Variants in GRM8 observed in about 807,000 individuals in gnomAD.
GRM8 encodes the protein metabotropic glutamate receptor 8.
A neutral mutation model predicts 87.2 loss-of-function variants in GRM8; 47 were observed. The observed-to-expected ratio is 0.54, with a 90% CI of 0.43 to 0.69. The LOEUF is 0.69. Among genes scored for constraint, GRM8 ranks in the 30% least tolerant of loss-of-function variants. The pLI is 0.00. For synonymous variants in GRM8, 396 were observed against 404.5 expected (o/e 0.98, Z 0.25); for missense variants, 1,019 against 1,139.2 (o/e 0.89, Z 1.52).
intron 8 of GRM8, among the ~76,000 whole-genome samples, chr7:126,578,332 T>C (rs1795293756): frequency 6.6e-6 from 1 of 152,178 alleles, no homozygotes; most frequent in Admixed American, 6.6e-5. Context: ...CATTTCCACT[T>C]AGCATCCTAA....
At chr7:127,184,042 A>C (rs1282065128) in intron 2 of GRM8, among the ~76,000 whole-genome samples, 1 of 151,880 alleles carries the variant, frequency 6.6e-6, no homozygotes, top group Non-Finnish European at 1.5e-5. Flanking sequence ...TCAAAACAAA[A>C]GCACCAGGCT....
At chr7:126,950,366 T>G (rs527742125) in intron 3 of GRM8, among the ~76,000 whole-genome samples, 1 of 152,340 alleles carries the variant, frequency 6.6e-6, no homozygotes, top group South Asian at 2.1e-4. Flanking sequence ...TATACATCTG[T>G]TGTCAAAAGA....
At chr7:126,874,615 A>G (rs1203455567) in intron 6 of GRM8, among the ~76,000 whole-genome samples, 4 of 152,154 alleles carry the variant, frequency 2.6e-5, no homozygotes, top group East Asian at 1.9e-4. Flanking sequence ...CCATATTACA[A>G]TTGAGGAAAG....
At chr7:126,831,645 G>C (rs915601912) in intron 6 of GRM8, among the ~76,000 whole-genome samples, 4 of 152,150 alleles carry the variant, frequency 2.6e-5, no homozygotes, top group African/African-American at 7.2e-5. Context: ...CTGACTCCTT[G>C]TGCTTCCTGA....
chr7:127,128,161 T>A (rs1012073690), intron 2 of GRM8, among the ~76,000 whole-genome samples: 1 of 152,130 alleles, frequency 6.6e-6, no homozygotes, highest in African/African-American at 2.4e-5. Context: ...CCAATGATGC[T>A]CAAAGTTGGT....
At chr7:127,056,618 AT>A (rs1332728853) in intron 3 of GRM8, among the ~76,000 whole-genome samples, 1 of 152,238 alleles carries the variant, frequency 6.6e-6, no homozygotes, top group Non-Finnish European at 1.5e-5. Context: ...CACCGGCAAA[AT>A]CTAAAAATAG....
intron 9 of GRM8, among the ~76,000 whole-genome samples, chr7:126,492,546 T>C (rs1286081063): frequency 6.6e-6 from 1 of 152,046 alleles, no homozygotes; most frequent in Non-Finnish European, 1.5e-5. Context: ...CATCTCAGGT[T>C]TTCTGTCTCT....
intron 7 of GRM8, among the ~76,000 whole-genome samples, chr7:126,734,471 T>C (rs759405494): frequency 5.6e-4 from 85 of 151,390 alleles, no homozygotes; most frequent in Non-Finnish European, 1.0e-3. Flanking sequence ...AAATATAATA[T>C]TGTATAGTAA....
chr7:126,883,107 T>C (rs922242672), intron 6 of GRM8, among the ~76,000 whole-genome samples: 1 of 152,206 alleles, frequency 6.6e-6, no homozygotes, highest in Non-Finnish European at 1.5e-5. Context: ...GGGTCATTTC[T>C]GATTGGCCTC....
At chr7:126,589,841 T>C (rs980151882) in intron 8 of GRM8, among the ~76,000 whole-genome samples, 3 of 152,128 alleles carry the variant, frequency 2.0e-5, no homozygotes, top group African/African-American at 7.2e-5. Flanking sequence ...AAGTACTACA[T>C]CAAGGGAGCA....
rs772847872 is a variant in GRM8, at chr7:127,058,044, T to C, written c.727+48452A>G. 1.3e-5 allele frequency: 5 copies of C among 380,990 alleles called. No individual in the cohort carries two copies. In the East Asian group the frequency reaches 3.8e-4, roughly 29 times the overall value. The allele number at this position is 380,990 out of a possible 1,614,324, so 23.6% of individuals were successfully genotyped here. A position where few individuals can be genotyped will look rare whatever the true frequency, so the allele number is the denominator to read the frequency against. On this transcript the variant is annotated intron_variant, in intron 3 of 10. Coordinates refer to ENST00000339582, the MANE Select transcript of GRM8 (RefSeq NM_000845.3). Reference sequence around the variant, plus strand: ...TTTTAGTTAAATAATTGTAGATTTGTTGCTCAGTTTAAAAACCCTTCTGGA... The same window carrying C: ...TTTTAGTTAAATAATTGTAGATTTGCTGCTCAGTTTAAAAACCCTTCTGGA...
At chr7:126,940,517 G>A (rs1362270505) in intron 3 of GRM8, among the ~76,000 whole-genome samples, 1 of 152,130 alleles carries the variant, frequency 6.6e-6, no homozygotes, top group East Asian at 1.9e-4. Context: ...GGCCTCAGAG[G>A]AGTATGTAGG....
intron 3 of GRM8, among the ~76,000 whole-genome samples, chr7:126,968,060 T>C (rs17865202): frequency 4.6e-4 from 70 of 152,368 alleles, no homozygotes; most frequent in African/African-American, 1.6e-3. Flanking sequence ...ATGCATTTTA[T>C]GATTTCAGCT....
intron 7 of GRM8, among the ~76,000 whole-genome samples, chr7:126,762,981 T>C (rs752443648): frequency 2.6e-5 from 4 of 151,968 alleles, no homozygotes; most frequent in African/African-American, 4.8e-5. Context: ...TAAGTGAGAC[T>C]TAACATTTTT....
intron 3 of GRM8, among the ~76,000 whole-genome samples, chr7:126,993,001 T>A (rs1480540297): frequency 6.6e-6 from 1 of 152,164 alleles, no homozygotes; most frequent in African/African-American, 2.4e-5. Context: ...TTCTATTATT[T>A]CAGCTACCCA....
In GRM8 at chr7:126,616,989, C is replaced by G. The variant is rs572105413; in HGVS notation, c.1358-7491G>C. On this transcript the variant is annotated intron_variant, in intron 7 of 10. Coordinates refer to ENST00000339582, the MANE Select transcript of GRM8 (RefSeq NM_000845.3). ...CCATTCCTTCTGAAAATATTCCAAT[C>G]AATAGAAAAAGAGGGAATCCTCCCT... is the stretch of plus-strand genomic sequence containing the variant. Among the ~76,000 whole-genome samples, 10 of 152,248 alleles carry G rather than the reference C, an allele frequency of 6.6e-5. No homozygotes were observed. In the East Asian group the frequency reaches 1.2e-3, roughly 18 times the overall value.
At chr7:127,146,467 C>A (rs1374211201) in intron 2 of GRM8, among the ~76,000 whole-genome samples, 3 of 151,954 alleles carry the variant, frequency 2.0e-5, no homozygotes, top group Non-Finnish European at 4.4e-5. Flanking sequence ...GGTCTCATGG[C>A]TCCAGGAGAT....
chr7:126,767,022 C>T (rs1223721476), intron 7 of GRM8, among the ~76,000 whole-genome samples: 3 of 152,158 alleles, frequency 2.0e-5, no homozygotes, highest in African/African-American at 7.2e-5. Context: ...CTTCAAGGTA[C>T]TTCCGAGACC....
At chr7:127,125,765 A>AACACACACAC (rs375563287) in intron 2 of GRM8, among the ~76,000 whole-genome samples, 10,800 of 141,028 alleles carry the variant, frequency 0.077, 1,057 homozygotes, top group African/African-American at 0.23. Context: ...CAAACAACTA[A>AACACACACAC]ACACACACAC....
Sources: gnomAD v4.1 joint callset for allele counts (sites outside exome capture counted in the v4.1 genomes callset) on GRCh38, gnomAD v4.1.1 for gene constraint, MANE v1.5 for transcripts, NCBI Gene and HGNC (gene_info 2026-07-23, HGNC 2026-07-21) for gene names.